The following DENND5B variants were observed in gnomAD, a reference collection of about 807,000 sequenced individuals.
DENND5B encodes DENN domain containing 5B.
In DENND5B, 34 loss-of-function variants were observed where a neutral mutation model predicts 140.6. The observed-to-expected ratio is 0.24, with a 90% confidence interval of 0.18 to 0.32. DENND5B has a LOEUF of 0.32. DENND5B is among the 10% of genes least tolerant of loss of function. The pLI is 1.00. For synonymous variants in DENND5B, 551 were observed against 562.1 expected, an observed-to-expected ratio of 0.98 and a Z score of 0.28; for missense variants, 1,142 against 1,560.2, an observed-to-expected ratio of 0.73 and a Z score of 4.52.
chr12:31,384,809 C>T lies in DENND5B; in HGVS notation c.*2794G>A, dbSNP rs774212055. On this transcript the variant is annotated 3_prime_UTR_variant, in exon 21 of 21. Coordinates refer to ENST00000389082, the MANE Select transcript of DENND5B (RefSeq NM_144973.4). ...GAGACGGAGTCTCGCTCTTGTCACC[C>T]AGGTTGGAGTGCAGTGGCACAATCT... is the stretch of plus-strand genomic sequence containing the variant. The T allele has an allele frequency of 1.2e-4, 18 of 151,864 alleles. No individual in the cohort carries two copies. The highest frequency in any genetic ancestry group is 2.5e-4 in the Non-Finnish European group (17 of 67,964). The allele number at this position is 151,864 out of a possible 1,614,324, so 9.4% of individuals were successfully genotyped here.
At chr12:31,512,016 A>G (rs1475117127) in intron 1 of DENND5B, among the ~76,000 whole-genome samples, 1 of 133,414 alleles carries the variant, frequency 7.5e-6, no homozygotes, top group East Asian at 2.4e-4. Context: ...TCCTGGGTTC[A>G]AGCGATTCTC....
intron 3 of DENND5B, among the ~76,000 whole-genome samples, chr12:31,472,660 CAA>C (rs1945615524): frequency 2.6e-5 from 4 of 151,996 alleles, no homozygotes; most frequent in African/African-American, 9.7e-5. Flanking sequence ...GATGGTTTCC[CAA>C]AATTAAAGGG....
chr12:31,567,317 C>CA (rs113948267), intron 1 of DENND5B, among the ~76,000 whole-genome samples: 79,910 of 142,346 alleles, frequency 0.56, 22,127 homozygotes, highest in East Asian at 0.82. Flanking sequence ...GACCTTGTCT[C>CA]AAAAAAAAAA....
intron 1 of DENND5B, among the ~76,000 whole-genome samples, chr12:31,528,904 G>A (rs932045254): frequency 6.6e-6 from 1 of 151,882 alleles, no homozygotes; most frequent in Non-Finnish European, 1.5e-5. Context: ...GCTCATGCCT[G>A]TAATCCCAGC....
intron 7 of DENND5B, among the ~76,000 whole-genome samples, chr12:31,441,413 C>T (rs1440697672): frequency 6.6e-6 from 1 of 152,064 alleles, no homozygotes; most frequent in East Asian, 1.9e-4. Context: ...TCTCAAACTC[C>T]TGGGCTCAAG....
At chr12:31,556,416 G>T (rs956630321) in intron 1 of DENND5B, among the ~76,000 whole-genome samples, 1 of 151,816 alleles carries the variant, frequency 6.6e-6, no homozygotes, top group Non-Finnish European at 1.5e-5. Flanking sequence ...TGGTCAGGCT[G>T]GTCTTGAACT....
chr12:31,388,500 T>C (rs1411046175), intron 20 of DENND5B, among the ~76,000 whole-genome samples: 1 of 152,168 alleles, frequency 6.6e-6, no homozygotes, highest in Non-Finnish European at 1.5e-5. Flanking sequence ...ATCTTCAATG[T>C]TTCCTGATCA....
rs1197616605 is a variant in DENND5B, at chr12:31,479,719, C to T, written c.774G>A (p.Arg258=). The change falls in exon 3 of 21, where the codon AGG becomes AGA. Residue 258 remains arginine, a synonymous_variant. Transcript: ENST00000389082. ...YGVYEPVICQ[R]PGPSELPLSD... ...AGAGGGGGAGTTCACTGGGCCCAGG[C>T]CTCTGGCAGATGACAGGTTCATAAA... 3.5e-5 allele frequency: 56 copies of T among 1,598,232 alleles called. No individual in the cohort carries two copies. Among genetic ancestry groups the T allele is most frequent in the Admixed American group, 5.3e-5 (3 of 56,864 alleles).
At chr12:31,552,244 A>G (rs1949093174) in intron 1 of DENND5B, among the ~76,000 whole-genome samples, 1 of 152,152 alleles carries the variant, frequency 6.6e-6, no homozygotes, top group Non-Finnish European at 1.5e-5. Flanking sequence ...TCCCATCAAC[A>G]CCTAATTTAT....
intron 3 of DENND5B, among the ~76,000 whole-genome samples, chr12:31,468,759 C>T (rs1945395282): frequency 6.6e-6 from 1 of 152,018 alleles, no homozygotes; most frequent in Admixed American, 6.6e-5. Flanking sequence ...CTGCAGTGAG[C>T]CTAGATCGTG....
At chr12:31,492,285 T>C (rs567505194) in intron 2 of DENND5B, among the ~76,000 whole-genome samples, 1 of 152,364 alleles carries the variant, frequency 6.6e-6, no homozygotes. Context: ...TAAAGATTAA[T>C]GTTTTGCAGA....
chr12:31,543,982 G>A (rs1189664796), intron 1 of DENND5B, among the ~76,000 whole-genome samples: 2 of 152,162 alleles, frequency 1.3e-5, no homozygotes, highest in African/African-American at 4.8e-5. Context: ...TGGCCAACAT[G>A]GTGAAAACCT....
intron 1 of DENND5B, among the ~76,000 whole-genome samples, chr12:31,582,947 T>G (rs547607056): frequency 7.9e-5 from 12 of 152,210 alleles, no homozygotes; most frequent in African/African-American, 2.9e-4. Flanking sequence ...TTACTTATTA[T>G]AGGAACTGAA....
intron 3 of DENND5B, among the ~76,000 whole-genome samples, chr12:31,475,676 G>T (rs1446355718): frequency 6.6e-6 from 1 of 152,060 alleles, no homozygotes; most frequent in Admixed American, 6.6e-5. Context: ...TTGAGCCCTG[G>T]AGTTTGAGGT....
rs139679357 is a variant in DENND5B, at chr12:31,467,024, A to T, written c.905-6643T>A. ...TGATGGCTGACTTCTCAACAGCAAT[A>T]CAGGAAACCAGAAGATGATAGAATA... is the stretch of plus-strand genomic sequence containing the variant. On this transcript the variant is annotated intron_variant, in intron 3 of 20. Coordinates refer to ENST00000389082, the MANE Select transcript of DENND5B (RefSeq NM_144973.4). Among the ~76,000 whole-genome samples the T allele has an allele frequency of 4.4e-3, 664 of 152,284 alleles. 2 individuals are homozygous for T. Among genetic ancestry groups the T allele is most frequent in the Non-Finnish European group, 6.1e-3 (417 of 68,028 alleles).
intron 1 of DENND5B, among the ~76,000 whole-genome samples, chr12:31,501,924 A>T (rs1386831543): frequency 6.6e-6 from 1 of 152,158 alleles, no homozygotes; most frequent in African/African-American, 2.4e-5. Context: ...GGGTGAGGCA[A>T]GTATATGGGA....
intron 3 of DENND5B, among the ~76,000 whole-genome samples, chr12:31,461,993 G>A (rs2617193): frequency 0.078 from 11,819 of 152,006 alleles, 1,031 homozygotes; most frequent in African/African-American, 0.22. Context: ...CTACCTTTTT[G>A]GTAATGAATC....
At chr12:31,460,669 G>A (rs1172024160) in intron 3 of DENND5B, among the ~76,000 whole-genome samples, 1 of 152,122 alleles carries the variant, frequency 6.6e-6, no homozygotes, top group East Asian at 1.9e-4. Flanking sequence ...GAGGAATCAA[G>A]AACTAATAAA....
At chr12:31,489,061 T>C (rs1035115613) in intron 2 of DENND5B, among the ~76,000 whole-genome samples, 4 of 152,208 alleles carry the variant, frequency 2.6e-5, no homozygotes, top group African/African-American at 9.6e-5. Context: ...ATGACTTCCA[T>C]GGCCTCTCCC....
Sources: gnomAD v4.1 joint callset for allele counts (sites outside exome capture counted in the v4.1 genomes callset) on GRCh38, gnomAD v4.1.1 for gene constraint, MANE v1.5 for transcripts, NCBI Gene and HGNC (gene_info 2026-07-23, HGNC 2026-07-21) for gene names.